CDKAL1: variants seen among roughly 807,000 people sequenced by gnomAD.
CDKAL1 encodes the protein CDKAL1 threonylcarbamoyladenosine tRNA methylthiotransferase.
Under a neutral mutation model 68.2 loss-of-function variants are expected in CDKAL1, and 32 were observed. The ratio of observed to expected loss-of-function variants is 0.47; its 90% CI spans 0.35 to 0.63. The LOEUF is 0.63. CDKAL1 is among the 30% of genes least tolerant of loss of function. The pLI, the probability that CDKAL1 is intolerant of heterozygous loss-of-function variation, is 0.00. For synonymous variants in CDKAL1, 234 were observed against 244.3 expected, an observed-to-expected ratio of 0.96 and a Z score of 0.39; for missense variants, 606 against 696.7, an observed-to-expected ratio of 0.87 and a Z score of 1.47.
intron 15 of CDKAL1, among the ~76,000 whole-genome samples, chr6:21,213,568 T>C (rs1189291000): frequency 6.6e-6 from 1 of 152,224 alleles, no homozygotes; most frequent in Non-Finnish European, 1.5e-5. Flanking sequence ...TGAGTAGCTG[T>C]TTCTTTTGTT....
At chr6:20,995,839 G>A (rs1391806530) in intron 10 of CDKAL1, among the ~76,000 whole-genome samples, 1 of 152,130 alleles carries the variant, frequency 6.6e-6, no homozygotes, top group East Asian at 1.9e-4. Flanking sequence ...AAAGCCTTTT[G>A]TATTTACTTC....
intron 4 of CDKAL1, among the ~76,000 whole-genome samples, chr6:20,634,977 C>CAAAAAAAAAAAAAAAA (rs142659533): frequency 1.0e-5 from 1 of 99,850 alleles, no homozygotes; most frequent in African/African-American, 3.9e-5. Context: ...AACCCCGTCT[C>CAAAAAAAAAAAAAAAA]AAAAAAAAAA....
intron 5 of CDKAL1, among the ~76,000 whole-genome samples, chr6:20,719,001 T>C (rs9368224): frequency 6.6e-6 from 1 of 151,958 alleles, no homozygotes; most frequent in South Asian, 2.1e-4. Flanking sequence ...TTCATGTAAC[T>C]TGTGAGAAAA....
intron 4 of CDKAL1, among the ~76,000 whole-genome samples, chr6:20,642,955 T>G (rs1405569770): frequency 2.6e-5 from 4 of 152,018 alleles, no homozygotes; most frequent in Non-Finnish European, 5.9e-5. Context: ...AGACTGTAAA[T>G]AATAAGATAT....
intron 9 of CDKAL1, among the ~76,000 whole-genome samples, chr6:20,923,156 A>G (rs1326114178): frequency 6.6e-6 from 1 of 152,144 alleles, no homozygotes; most frequent in East Asian, 1.9e-4. Flanking sequence ...CCTGGGCTCA[A>G]GCAATCCTCC....
At chr6:20,701,568 A>T (rs1771361097) in intron 5 of CDKAL1, among the ~76,000 whole-genome samples, 1 of 152,036 alleles carries the variant, frequency 6.6e-6, no homozygotes, top group South Asian at 2.1e-4. Context: ...TTTCAGGAGG[A>T]TGCTTGTGGA....
rs144512197 is a variant in CDKAL1, at chr6:20,640,690, T to C, written c.287-8603T>C. On this transcript the variant is annotated intron_variant, in intron 4 of 15. Coordinates refer to ENST00000274695, the MANE Select transcript of CDKAL1 (RefSeq NM_017774.3). ...TAGTTTTTAGATATTGTCTACATTG[T>C]TTTTTGATCAATAGGCAAAGAGCCA... Among the ~76,000 whole-genome samples the C allele has an allele frequency of 2.4e-3, 364 of 152,342 alleles. 1 individual carries two copies. Among genetic ancestry groups the C allele is most frequent in the Non-Finnish European group, 3.4e-3 (229 of 68,042 alleles).
Position 20,848,941 on chromosome 6 carries a change from C to T in CDKAL1, c.742+2763C>T, listed in dbSNP as rs143500340. Among the ~76,000 whole-genome samples the T allele has an allele frequency of 2.9e-3, 439 of 151,994 alleles. 1 individual carries two copies. Among genetic ancestry groups the T allele is most frequent in the African/African-American group, 9.8e-3 (406 of 41,464 alleles). On this transcript the variant is annotated intron_variant, in intron 9 of 15. Coordinates refer to ENST00000274695, the MANE Select transcript of CDKAL1 (RefSeq NM_017774.3). ...CGCAGTAGTGGCGACTATAGCCATG[C>T]GCTACCAAGTCTGGCTAATTTTTAA...
chr6:20,908,143 G>A (rs116118061), intron 9 of CDKAL1, among the ~76,000 whole-genome samples: 1,614 of 152,200 alleles, frequency 0.011, 29 homozygotes, highest in African/African-American at 0.036. Context: ...ACAAACTACC[G>A]CAATGTGGAA....
chr6:21,208,779 T>C (rs1015352984), intron 15 of CDKAL1, among the ~76,000 whole-genome samples: 1 of 152,244 alleles, frequency 6.6e-6, no homozygotes, highest in African/African-American at 2.4e-5. Context: ...AGTTTCACAG[T>C]CTAGATACAT....
At chr6:20,862,154 T>C (rs1759665010) in intron 9 of CDKAL1, among the ~76,000 whole-genome samples, 1 of 152,226 alleles carries the variant, frequency 6.6e-6, no homozygotes, top group African/African-American at 2.4e-5. Context: ...GATTATAGTT[T>C]TAACAATTAC....
At chr6:21,106,416 GA>G (rs1773844900) in intron 12 of CDKAL1, among the ~76,000 whole-genome samples, 1 of 152,008 alleles carries the variant, frequency 6.6e-6, no homozygotes, top group African/African-American at 2.4e-5. Flanking sequence ...AAAATATTTA[GA>G]AAAATAAAAA....
At chr6:20,568,994 A>T (rs1764592556) in intron 4 of CDKAL1, among the ~76,000 whole-genome samples, 1 of 152,146 alleles carries the variant, frequency 6.6e-6, no homozygotes. Context: ...TATTCAAAGT[A>T]CCTACCACCA....
intron 10 of CDKAL1, among the ~76,000 whole-genome samples, chr6:20,977,810 G>A (rs957084453): frequency 4.6e-5 from 7 of 152,108 alleles, no homozygotes; most frequent in African/African-American, 1.4e-4. Flanking sequence ...CCCAGGAGGC[G>A]GAGGCTGCAG....
intron 12 of CDKAL1, among the ~76,000 whole-genome samples, chr6:21,067,709 T>C (rs925893952): frequency 3.3e-5 from 5 of 152,078 alleles, no homozygotes; most frequent in African/African-American, 1.2e-4. Flanking sequence ...ACTTTTCCAC[T>C]GGGGGGTCTG....
At chr6:20,542,683 G>C (rs1211518153) in intron 2 of CDKAL1, among the ~76,000 whole-genome samples, 1 of 151,998 alleles carries the variant, frequency 6.6e-6, no homozygotes, top group East Asian at 1.9e-4. Flanking sequence ...GTCTCCCGTT[G>C]GTAACATCTT....
intron 12 of CDKAL1, among the ~76,000 whole-genome samples, chr6:21,094,971 ATGT>A (rs1401731642): frequency 3.3e-5 from 5 of 152,224 alleles, no homozygotes; most frequent in South Asian, 2.1e-4. Flanking sequence ...CATTCTAAAC[ATGT>A]TGTGTGTTAA....
chr6:21,113,491 G>A (rs554363677), intron 13 of CDKAL1, among the ~76,000 whole-genome samples: 314 of 151,776 alleles, frequency 2.1e-3, no homozygotes, highest in Non-Finnish European at 3.4e-3. Flanking sequence ...ACAAAAAAAC[G>A]GGGTTTTTTT....
At chr6:20,897,127 A>C (rs115921771) in intron 9 of CDKAL1, among the ~76,000 whole-genome samples, 2,057 of 152,266 alleles carry the variant, frequency 0.014, 33 homozygotes, top group African/African-American at 0.047. Flanking sequence ...CTGTTTATTC[A>C]CATGACAGAA....
Sources: allele counts gnomAD v4.1 joint callset (sites outside exome capture counted in the v4.1 genomes callset), GRCh38; gene constraint gnomAD v4.1.1; transcripts MANE v1.5; gene names NCBI Gene and HGNC (gene_info 2026-07-23, HGNC 2026-07-21).